The following CTNND2 variants were observed in gnomAD, a reference collection of about 807,000 sequenced individuals.
The protein encoded by CTNND2 is catenin delta 2.
In CTNND2, 22 loss-of-function variants were observed where a neutral mutation model predicts 144.4. The observed-to-expected ratio is 0.15, with a 90% CI of 0.11 to 0.22. The LOEUF (loss-of-function observed/expected upper bound fraction) is 0.22, where lower values mean the gene tolerates loss of function less well. Among genes scored for constraint, CTNND2 ranks in the 10% least tolerant of loss-of-function variants. CTNND2 has a pLI of 1.00. For missense variants in CTNND2, 1,353 were observed against 1,618.8 expected (o/e 0.84, Z 2.82); for synonymous variants, 751 against 695.6 (o/e 1.08, Z -1.25).
At chr5:11,555,551 G>C (rs1561550658) in intron 3 of CTNND2, among the ~76,000 whole-genome samples, 1 of 152,110 alleles carries the variant, frequency 6.6e-6, no homozygotes, top group Non-Finnish European at 1.5e-5. Flanking sequence ...CCAGAAATTT[G>C]ATGGTGCTTG....
chr5:11,120,967 TG>T (rs1754081788), intron 12 of CTNND2, among the ~76,000 whole-genome samples: 1 of 152,234 alleles, frequency 6.6e-6, no homozygotes, highest in Non-Finnish European at 1.5e-5. Context: ...GAGGGTTTCC[TG>T]TTCCTCCGTC....
chr5:11,820,857 A>G (rs1039519628), intron 1 of CTNND2, among the ~76,000 whole-genome samples: 7 of 152,304 alleles, frequency 4.6e-5, no homozygotes, highest in Admixed American at 2.6e-4. Flanking sequence ...ATTTCATCCC[A>G]CAAACTAATT....
At chr5:11,509,176 T>A (rs1276009735) in intron 3 of CTNND2, among the ~76,000 whole-genome samples, 1 of 152,184 alleles carries the variant, frequency 6.6e-6, no homozygotes, top group African/African-American at 2.4e-5. Context: ...AAAAGGAACA[T>A]GTTTCCAGAA....
chr5:11,204,998 G>C (rs533295068), intron 10 of CTNND2, among the ~76,000 whole-genome samples: 1 of 152,224 alleles, frequency 6.6e-6, no homozygotes, highest in South Asian at 2.1e-4. Context: ...CTATTATTTG[G>C]TGATACAAGG....
intron 2 of CTNND2, among the ~76,000 whole-genome samples, chr5:11,571,382 G>A (rs1002974293): frequency 6.6e-6 from 1 of 152,070 alleles, no homozygotes; most frequent in African/African-American, 2.4e-5. Flanking sequence ...GCTCTTCCTA[G>A]CTCCAGCTTT....
chr5:11,737,892 C>T (rs1445501245), intron 1 of CTNND2, among the ~76,000 whole-genome samples: 1 of 152,178 alleles, frequency 6.6e-6, no homozygotes, highest in Non-Finnish European at 1.5e-5. Context: ...AGAGAGGTGG[C>T]CTACTGGCAC....
chr5:11,290,067 G>C (rs917637226), intron 9 of CTNND2, among the ~76,000 whole-genome samples: 2 of 152,110 alleles, frequency 1.3e-5, no homozygotes, highest in Admixed American at 1.3e-4. Context: ...AAGACAAGGA[G>C]GTAGCATTCT....
chr5:11,826,084 G>A (rs1266919734), intron 1 of CTNND2, among the ~76,000 whole-genome samples: 3 of 151,614 alleles, frequency 2.0e-5, no homozygotes, highest in Non-Finnish European at 2.9e-5. Context: ...TAAAAGTCAA[G>A]GTAAAGGAAA....
rs200507205 is a variant in CTNND2, at chr5:11,887,506, G to GA, written c.37+16310_37+16311insT. 7.7e-3 allele frequency among the ~76,000 whole-genome samples: 1,032 copies of GA among 134,760 alleles called. 23 individuals carry two copies. The East Asian group carries it at 0.077, about 10-fold the overall frequency. 88.4% of individuals were successfully genotyped at this position (134,760 alleles called of 152,430 possible). A position where few individuals can be genotyped will look rare whatever the true frequency, so the allele number is the denominator to read the frequency against. Reference sequence around the variant, plus strand: ...AGAGATCTTTAAAAACTTTGAGCAAGCAAAAAAAAAAACTTCTAGTGTTAA... The same window carrying GA: ...AGAGATCTTTAAAAACTTTGAGCAAGACAAAAAAAAAAACTTCTAGTGTTAA... On this transcript the variant is annotated intron_variant, in intron 1 of 21. Coordinates refer to ENST00000304623, the MANE Select transcript of CTNND2 (RefSeq NM_001332.4).
At chr5:10,987,047 G>A (rs1292743345) in intron 20 of CTNND2, among the ~76,000 whole-genome samples, 1 of 147,456 alleles carries the variant, frequency 6.8e-6, no homozygotes, top group East Asian at 2.0e-4. Flanking sequence ...ACATGGCCTT[G>A]TTCTATTAAA....
intron 3 of CTNND2, among the ~76,000 whole-genome samples, chr5:11,501,352 C>G (rs941207153): frequency 2.0e-5 from 3 of 152,158 alleles, no homozygotes; most frequent in African/African-American, 7.2e-5. Flanking sequence ...CCTACTCCTG[C>G]GAGAATGAGA....
chr5:11,370,599 ATTATT>A (rs1757384833), intron 7 of CTNND2, among the ~76,000 whole-genome samples: 1 of 152,346 alleles, frequency 6.6e-6, no homozygotes, highest in African/African-American at 2.4e-5. Context: ...ATCCATTCAT[ATTATT>A]TTATTTATAT....
At chr5:11,735,427 C>T (rs1397675735) in intron 1 of CTNND2, among the ~76,000 whole-genome samples, 1 of 152,150 alleles carries the variant, frequency 6.6e-6, no homozygotes, top group Non-Finnish European at 1.5e-5. Context: ...CAATGCAGCT[C>T]TTGTGTGCAC....
At chr5:11,853,715 G>A (rs547408365) in intron 1 of CTNND2, among the ~76,000 whole-genome samples, 1 of 152,246 alleles carries the variant, frequency 6.6e-6, no homozygotes, top group Admixed American at 6.5e-5. Flanking sequence ...TACAGTTTCT[G>A]AGGCCAAAAA....
chr5:11,600,045 A>G (rs1186123553), intron 2 of CTNND2, among the ~76,000 whole-genome samples: 2 of 152,178 alleles, frequency 1.3e-5, no homozygotes, highest in East Asian at 1.9e-4. Context: ...AACTATAAAT[A>G]TGGATCTGAA....
intron 9 of CTNND2, among the ~76,000 whole-genome samples, chr5:11,315,614 T>A (rs1221254421): frequency 6.6e-6 from 1 of 152,230 alleles, no homozygotes; most frequent in East Asian, 1.9e-4. Context: ...TGTAGCTGGG[T>A]AATGAAAATA....
intron 1 of CTNND2, among the ~76,000 whole-genome samples, chr5:11,792,122 T>C (rs1791164988): frequency 6.6e-6 from 1 of 152,202 alleles, no homozygotes; most frequent in Non-Finnish European, 1.5e-5. Flanking sequence ...CCATGCGGTC[T>C]CAAAGTTTTT....
intron 1 of CTNND2, among the ~76,000 whole-genome samples, chr5:11,851,214 A>C (rs1794995012): frequency 6.6e-6 from 1 of 152,034 alleles, no homozygotes; most frequent in Non-Finnish European, 1.5e-5. Context: ...CCCCATAGCT[A>C]TATGAGCCAA....
intron 16 of CTNND2, among the ~76,000 whole-genome samples, chr5:11,036,005 T>C (rs1459230669): frequency 1.3e-5 from 2 of 152,182 alleles, no homozygotes; most frequent in African/African-American, 4.8e-5. Context: ...TAGTGTTGGG[T>C]TTTCTCTCTG....
Sources: allele counts gnomAD v4.1 joint callset (sites outside exome capture counted in the v4.1 genomes callset), GRCh38; gene constraint gnomAD v4.1.1; transcripts MANE v1.5; gene names NCBI Gene and HGNC (gene_info 2026-07-23, HGNC 2026-07-21).